Variants in PIK3C3 observed in about 807,000 individuals in gnomAD.
PIK3C3 encodes the protein PI3-kinase type 3.
A neutral mutation model predicts 126.1 loss-of-function variants in PIK3C3; 95 were observed. The observed-to-expected ratio is 0.75, with a 90% CI of 0.64 to 0.89. The LOEUF (loss-of-function observed/expected upper bound fraction) is 0.89. Among genes scored for constraint, PIK3C3 ranks in the 40% least tolerant of loss-of-function variants. PIK3C3 has a pLI of 0.00. For missense variants in PIK3C3, 829 were observed against 1,063.2 expected (o/e 0.78, Z 3.06); for synonymous variants, 374 against 360.0 (o/e 1.04, Z -0.44).
intron 13 of PIK3C3, 131 bp from the exon 14 acceptor site, chr18:42,027,312 G>C (rs1983613567): frequency 2.3e-6 from 1 of 426,698 alleles, no homozygotes; most frequent in African/African-American, 2.1e-5. Context: ...ATGATAAAAT[G>C]TGTTTTATTA....
At chr18:41,995,862 A>G (rs1019929768) in intron 7 of PIK3C3, 28 bp from the exon 8 acceptor site, 5 of 1,486,068 alleles carry the variant, frequency 3.4e-6, no homozygotes, top group East Asian at 2.3e-5. Context: ...TGAAGTTTAC[A>G]TTGTCAATAT....
intron 4 of PIK3C3, among the ~76,000 whole-genome samples, chr18:41,986,891 T>C (rs1981506616): frequency 6.6e-6 from 1 of 152,054 alleles, no homozygotes; most frequent in Non-Finnish European, 1.5e-5. Flanking sequence ...ATTTCTGAAA[T>C]AGTATGACCA....
At chr18:41,955,416 A>T in intron 1 of PIK3C3, 57 bp downstream of exon 1, 2 of 1,463,644 alleles carry the variant, frequency 1.4e-6, no homozygotes, top group Non-Finnish European at 1.9e-6. Context: ...ACGTGGGGGC[A>T]GGGGCCTGTT....
intron 17 of PIK3C3, among the ~76,000 whole-genome samples, chr18:42,038,034 C>A (rs555095103): frequency 4.6e-5 from 7 of 152,150 alleles, no homozygotes; most frequent in African/African-American, 1.7e-4. Context: ...TGTATGTGTT[C>A]CATTAATTTT....
intron 5 of PIK3C3, among the ~76,000 whole-genome samples, chr18:41,989,271 A>G (rs1230365487): frequency 6.6e-6 from 1 of 152,004 alleles, no homozygotes; most frequent in African/African-American, 2.4e-5. Context: ...GGGTCTGGCT[A>G]TATTGCCCAG....
chr18:42,013,425 T>C lies in PIK3C3; in HGVS notation c.1171-17T>C, dbSNP rs765395211. Reference sequence around the variant, plus strand: ...CATTCTTTTCCTAATATTACTTTACTTTTTTTTGTTTTCCAGGATTTGTTG... The same window carrying C: ...CATTCTTTTCCTAATATTACTTTACCTTTTTTTGTTTTCCAGGATTTGTTG... On this transcript the variant is annotated splice_polypyrimidine_tract_variant and intron_variant, in intron 10 of 24. Transcript: ENST00000262039. 2 of 1,383,510 alleles carry C rather than the reference T, an allele frequency of 1.4e-6. No homozygotes were observed. Among genetic ancestry groups the C allele is most frequent in the East Asian group, 5.3e-5 (2 of 37,666 alleles). 85.7% of individuals were successfully genotyped at this position (1,383,510 alleles called of 1,614,324 possible).
intron 13 of PIK3C3, among the ~76,000 whole-genome samples, chr18:42,021,734 T>C (rs1393826638): frequency 6.6e-6 from 1 of 152,192 alleles, no homozygotes; most frequent in Non-Finnish European, 1.5e-5. Context: ...AATCCAAAAA[T>C]TTGAAATCTG....
At chr18:41,992,379 A>C (rs1185918838) in intron 6 of PIK3C3, among the ~76,000 whole-genome samples, 1 of 152,198 alleles carries the variant, frequency 6.6e-6, no homozygotes. Context: ...GTTTTCTGTA[A>C]GACTCAATTA....
chr18:41,993,379 C>A, intron 7 of PIK3C3, 38 bp downstream of exon 7: 1 of 1,350,660 alleles, frequency 7.4e-7, no homozygotes, highest in Non-Finnish European at 1.1e-6. Flanking sequence ...AAGTACTTTT[C>A]TTCAGAGTAA....
intron 21 of PIK3C3, among the ~76,000 whole-genome samples, chr18:42,053,963 A>G (rs1788519548): frequency 6.6e-6 from 1 of 151,346 alleles, no homozygotes; most frequent in South Asian, 2.1e-4. Context: ...GAGAGGTAGT[A>G]GCTTTTCTGT....
intron 21 of PIK3C3, among the ~76,000 whole-genome samples, chr18:42,054,128 A>ATATCTATATC (rs1223775300): frequency 9.5e-4 from 4 of 4,220 alleles, no homozygotes; most frequent in Non-Finnish European, 1.4e-3. Context: ...AACTAATGGT[A>ATATCTATATC]TATATATATA....
intron 10 of PIK3C3, among the ~76,000 whole-genome samples, chr18:42,012,392 C>T (rs1281097835): frequency 6.6e-6 from 1 of 152,048 alleles, no homozygotes; most frequent in Non-Finnish European, 1.5e-5. Context: ...GAGACTTAAC[C>T]TGGTTTGTGA....
At chr18:42,018,433 A>G (rs1598900578) in intron 12 of PIK3C3, among the ~76,000 whole-genome samples, 1 of 152,144 alleles carries the variant, frequency 6.6e-6, no homozygotes, top group African/African-American at 2.4e-5. Flanking sequence ...CAGATAGTCA[A>G]AAGAGAAACT....
chr18:42,056,761 A>G (rs1202122949), intron 21 of PIK3C3, among the ~76,000 whole-genome samples: 7 of 152,154 alleles, frequency 4.6e-5, no homozygotes, highest in Admixed American at 2.0e-4. Flanking sequence ...GAAATTGATC[A>G]TGGACTTTTC....
intron 23 of PIK3C3, among the ~76,000 whole-genome samples, chr18:42,066,052 A>G (rs1202403202): frequency 6.6e-6 from 1 of 152,180 alleles, no homozygotes; most frequent in Non-Finnish European, 1.5e-5. Flanking sequence ...CAAAATTGTC[A>G]GATATTCTCT....
At chr18:42,035,669 T>G (rs550881523) in intron 16 of PIK3C3, among the ~76,000 whole-genome samples, 12 of 152,034 alleles carry the variant, frequency 7.9e-5, no homozygotes, top group Non-Finnish European at 1.3e-4. Context: ...AGTTGCTACT[T>G]TGGCTCATGG....
At chr18:41,960,363 C>T (rs1980014967) in intron 2 of PIK3C3, among the ~76,000 whole-genome samples, 1 of 152,182 alleles carries the variant, frequency 6.6e-6, no homozygotes, top group Admixed American at 6.5e-5. Context: ...TTATATTTCA[C>T]ATTGTCTCAT....
At chr18:41,982,778 A>G (rs912344075) in intron 4 of PIK3C3, among the ~76,000 whole-genome samples, 7 of 152,200 alleles carry the variant, frequency 4.6e-5, no homozygotes, top group Non-Finnish European at 1.0e-4. Context: ...GTTATAGATG[A>G]ATATGTGAAC....
chr18:42,036,799 C>T (rs1984073640), intron 16 of PIK3C3, among the ~76,000 whole-genome samples: 1 of 152,058 alleles, frequency 6.6e-6, no homozygotes, highest in African/African-American at 2.4e-5. Context: ...TAAAGCTGCA[C>T]AACTAGTACA....
Sources: gnomAD v4.1 joint callset for allele counts (sites outside exome capture counted in the v4.1 genomes callset) on GRCh38, gnomAD v4.1.1 for gene constraint, MANE v1.5 for transcripts, NCBI Gene and HGNC (gene_info 2026-07-23, HGNC 2026-07-21) for gene names.